The following ARHGAP20 variants were observed in gnomAD, a reference collection of about 807,000 sequenced individuals.
The protein encoded by ARHGAP20 is rho GTPase-activating protein 20.
Under a neutral mutation model 73.7 loss-of-function variants are expected in ARHGAP20, and 34 were observed. That is an observed-to-expected ratio of 0.46 (90% CI 0.35 to 0.61). ARHGAP20 has a LOEUF of 0.61. Among genes scored for constraint, ARHGAP20 ranks in the 20% least tolerant of loss-of-function variants. The probability of loss-of-function intolerance (pLI) is 0.00; values close to 1 mark genes in which losing one functional copy is unlikely to be tolerated. For missense variants in ARHGAP20, 1,314 were observed against 1,420.9 expected (o/e 0.92, Z 1.21); for synonymous variants, 523 against 518.2 (o/e 1.01, Z -0.13).
chr11:110,628,221 G>GT (rs1377957600), intron 3 of ARHGAP20, among the ~76,000 whole-genome samples: 1 of 152,046 alleles, frequency 6.6e-6, no homozygotes, highest in Non-Finnish European at 1.5e-5. Flanking sequence ...GGAACCTAAG[G>GT]TCCCCTCCTT....
intron 2 of ARHGAP20, among the ~76,000 whole-genome samples, chr11:110,633,898 CAA>C (rs1948909445): frequency 6.6e-6 from 1 of 152,080 alleles, no homozygotes; most frequent in Non-Finnish European, 1.5e-5. Flanking sequence ...AGATGTCATT[CAA>C]AGACAGGTGC....
At chr11:110,706,760 A>T (rs1853238238) in intron 1 of ARHGAP20, among the ~76,000 whole-genome samples, 1 of 152,152 alleles carries the variant, frequency 6.6e-6, no homozygotes. Context: ...TTCAGAGGTC[A>T]CATGAGGGAT....
chr11:110,682,402 C>T (rs1950053973), intron 2 of ARHGAP20, among the ~76,000 whole-genome samples: 1 of 152,124 alleles, frequency 6.6e-6, no homozygotes, highest in African/African-American at 2.4e-5. Context: ...GGTTGAAAAA[C>T]TTACCCAAGA....
chr11:110,594,004 G>A (rs1456042927), intron 9 of ARHGAP20, among the ~76,000 whole-genome samples: 2 of 152,214 alleles, frequency 1.3e-5, no homozygotes, highest in South Asian at 4.1e-4. Context: ...CTGAAGGATT[G>A]ATCTTTTAAA....
rs1950678081 is a variant in ARHGAP20 at position 110,712,132 on chromosome 11, T to C, written c.100A>G (p.Lys34Glu). The C allele has an allele frequency of 7.4e-7, 1 of 1,351,154 alleles. No individual in the cohort carries two copies. Among genetic ancestry groups the C allele is most frequent in the South Asian group, 2.4e-5 (1 of 42,062 alleles). The allele number at this position is 1,351,154 out of a possible 1,614,324, so 83.7% of individuals were successfully genotyped here. The change falls in exon 1 of 15, where the codon AAG becomes GAG. Residue 34 changes from lysine (K) to glutamate (E), a missense_variant. Around this residue, in one of 3 missense-constraint regions of ARHGAP20, gnomAD observed 443 missense variants for 466.4 expected, o/e 0.95. Transcript: ENST00000683387. ...VSRLAGGSCT[K>E]KKMKTLAERR... is the part of the protein sequence containing the mutation. Reference sequence around the variant, plus strand: ...CCCCCGCTCAGCGTCCTCACCTTCTTGGTGCAGCTGCCTCCCGCGAGCCGA... The same window carrying C: ...CCCCCGCTCAGCGTCCTCACCTTCTCGGTGCAGCTGCCTCCCGCGAGCCGA...
chr11:110,579,317 CTATTAT>C lies in ARHGAP20; in HGVS notation c.*47_*52del, dbSNP rs1447341015. On this transcript the variant is annotated 3_prime_UTR_variant, in exon 15 of 15. Coordinates refer to ENST00000683387, the MANE Select transcript of ARHGAP20 (RefSeq NM_001384657.1). ...ACAAAGGGGTCATAATAATTATTGT[CTATTAT>C]TATTAACCCAGTTCCTGTTCTTGTG... 5.3e-6 allele frequency: 8 copies of C among 1,511,360 alleles called. No individual in the cohort carries two copies. 93.6% of individuals were successfully genotyped at this position (1,511,360 alleles called of 1,614,324 possible). A position where few individuals can be genotyped will look rare whatever the true frequency, so the allele number is the denominator to read the frequency against.
At chr11:110,667,878 G>A (rs866672934) in intron 2 of ARHGAP20, among the ~76,000 whole-genome samples, 7 of 152,198 alleles carry the variant, frequency 4.6e-5, no homozygotes, top group Middle Eastern at 3.2e-3. Flanking sequence ...GGAGCCAGAA[G>A]ATGTGACTGA....
At chr11:110,641,138 A>G (rs150013344) in intron 2 of ARHGAP20, among the ~76,000 whole-genome samples, 305 of 152,202 alleles carry the variant, frequency 2.0e-3, no homozygotes, top group African/African-American at 7.1e-3. Flanking sequence ...CATATGCGAT[A>G]CAATGAGATC....
intron 2 of ARHGAP20, among the ~76,000 whole-genome samples, chr11:110,649,524 A>G (rs1949303452): frequency 6.6e-6 from 1 of 152,128 alleles, no homozygotes; most frequent in South Asian, 2.1e-4. Context: ...TAGAGTTCAA[A>G]TATTAAGAGT....
Position 110,630,647 on chromosome 11 carries a change from A to G in ARHGAP20, c.334T>C (p.Phe112Leu). ...ACATACTTGATTTTGGCCACAACAAACAGATCATTGAATAGGAAAAGATGC... is the reference window on the plus strand; with the variant it reads ...ACATACTTGATTTTGGCCACAACAAGCAGATCATTGAATAGGAAAAGATGC... ...ERHLFLFNDL[F>L]VVAKIKYNNN... is the part of the protein sequence containing the mutation. The change falls in exon 3 of 15, where the codon TTT becomes CTT. Residue 112 changes from phenylalanine (F) to leucine (L), a missense_variant. Phe to Leu is a conservative substitution (Grantham distance 22). Coordinates refer to ENST00000683387, the MANE Select transcript of ARHGAP20 (RefSeq NM_001384657.1). 1.2e-6 allele frequency: 2 copies of G among 1,614,032 alleles called. No individual in the cohort carries two copies. Among genetic ancestry groups the G allele is most frequent in the Non-Finnish European group, 1.7e-6 (2 of 1,179,952 alleles).
At chr11:110,593,032 C>T (rs1164658207) in intron 9 of ARHGAP20, among the ~76,000 whole-genome samples, 1 of 151,790 alleles carries the variant, frequency 6.6e-6, no homozygotes, top group Non-Finnish European at 1.5e-5. Flanking sequence ...TAAATCACAT[C>T]TGGTCAATAA....
rs377207066 is a variant in ARHGAP20, at chr11:110,579,631, C to A, written c.3315G>T (p.Gln1105His). 3 of 1,614,228 alleles carry A rather than the reference C, an allele frequency of 1.9e-6. No homozygotes were observed. Among genetic ancestry groups the A allele is most frequent in the Non-Finnish European group, 2.5e-6 (3 of 1,180,054 alleles). ...LRAAEGLSPVQSAQRCSSSPF... is the reference protein window; with the variant it reads ...LRAAEGLSPVHSAQRCSSSPF... Reference sequence around the variant, plus strand: ...GAGAAGAACTACACCTTTGGGCTGACTGCACAGGGGACAGTCCTTCAGCTG... The same window carrying A: ...GAGAAGAACTACACCTTTGGGCTGAATGCACAGGGGACAGTCCTTCAGCTG... The change falls in exon 15 of 15, where the codon CAG becomes CAT. Residue 1105 changes from glutamine (Q) to histidine (H), a missense_variant. Gln to His is a conservative substitution (Grantham distance 24). This residue lies in a region of ARHGAP20 where 641 missense variants were observed against 636.9 expected (regional missense o/e 1.01). Coordinates refer to ENST00000683387, the MANE Select transcript of ARHGAP20 (RefSeq NM_001384657.1).
intron 9 of ARHGAP20, among the ~76,000 whole-genome samples, chr11:110,593,393 CT>C (rs1344524664): frequency 6.6e-6 from 1 of 152,170 alleles, no homozygotes; most frequent in African/African-American, 2.4e-5. Flanking sequence ...TCTCTGTCCC[CT>C]CTTCCCAACA....
chr11:110,614,870 C>T (rs1033689550), intron 5 of ARHGAP20, among the ~76,000 whole-genome samples: 1 of 152,126 alleles, frequency 6.6e-6, no homozygotes, highest in African/African-American at 2.4e-5. Flanking sequence ...ATAGGACAGG[C>T]ATGTCAAGTG....
At chr11:110,594,949 T>G (rs966608980) in intron 9 of ARHGAP20, among the ~76,000 whole-genome samples, 28 of 151,470 alleles carry the variant, frequency 1.8e-4, no homozygotes, top group African/African-American at 6.1e-4. Context: ...TCCACCATGA[T>G]CCAGTGGGCT....
chr11:110,691,415 G>A (rs1156366889), intron 1 of ARHGAP20, among the ~76,000 whole-genome samples: 3 of 152,042 alleles, frequency 2.0e-5, no homozygotes, highest in Non-Finnish European at 4.4e-5. Flanking sequence ...TATCAAAGCC[G>A]TTCTTCTCAC....
chr11:110,630,241 C>G (rs1948831169), intron 3 of ARHGAP20, among the ~76,000 whole-genome samples: 1 of 152,140 alleles, frequency 6.6e-6, no homozygotes, highest in South Asian at 2.1e-4. Context: ...ACCTACCTAA[C>G]ATATATGCCA....
intron 6 of ARHGAP20, among the ~76,000 whole-genome samples, chr11:110,612,617 C>T (rs1404160958): frequency 6.6e-6 from 1 of 152,010 alleles, no homozygotes; most frequent in African/African-American, 2.4e-5. Context: ...AGGGCTGTGT[C>T]CCTGACAGAG....
chr11:110,585,045 A>G (rs200330772), intron 12 of ARHGAP20, among the ~76,000 whole-genome samples: 3,866 of 90,652 alleles, frequency 0.043, 60 homozygotes, highest in Non-Finnish European at 0.058. Context: ...GTGAATATAT[A>G]TGAATATATG....
Sources: allele counts gnomAD v4.1 joint callset (sites outside exome capture counted in the v4.1 genomes callset), GRCh38; gene constraint gnomAD v4.1.1; regional missense constraint gnomAD v4.1.1; transcripts MANE v1.5; gene names NCBI Gene and HGNC (gene_info 2026-07-23, HGNC 2026-07-21).